Variants in CDH23 observed in about 807,000 individuals in gnomAD.
CDH23 encodes cadherin related 23.
A neutral mutation model predicts 317.1 loss-of-function variants in CDH23; 189 were observed. That is an observed-to-expected ratio of 0.60 (90% confidence interval 0.53 to 0.67). The LOEUF (loss-of-function observed/expected upper bound fraction) is 0.67. Among genes scored for constraint, CDH23 ranks in the 30% least tolerant of loss-of-function variants. CDH23 has a pLI of 0.00. For missense variants in CDH23, 4,401 were observed against 4,592.4 expected (o/e 0.96, Z 1.20); for synonymous variants, 1,839 against 1,876.8 (o/e 0.98, Z 0.52).
chr10:71,660,094 G>A (rs974539121), intron 14 of CDH23, among the ~76,000 whole-genome samples: 14 of 151,496 alleles, frequency 9.2e-5, no homozygotes, highest in African/African-American at 1.5e-4. Flanking sequence ...CTGAGTAGCC[G>A]GGATTACAGG....
intron 9 of CDH23, among the ~76,000 whole-genome samples, chr10:71,582,081 T>C (rs1470821511): frequency 6.6e-6 from 1 of 152,238 alleles, no homozygotes; most frequent in African/African-American, 2.4e-5. Context: ...TAAAGGGCCA[T>C]AAAATATTAA....
At chr10:71,781,445 G>A (rs948990084) in intron 41 of CDH23, among the ~76,000 whole-genome samples, 5 of 152,206 alleles carry the variant, frequency 3.3e-5, no homozygotes, top group Non-Finnish European at 7.3e-5. Flanking sequence ...GGGAGTCCCT[G>A]GAGCACAGGA....
rs1866906122 is a variant in CDH23, at chr10:71,728,285, G to C, written c.3580-2184G>C. ...CCTGTGAACAGCTGTGCTCTGGAGT[G>C]GACATGTTAGTTTGCATAGTGGGTT... On this transcript the variant is annotated intron_variant, in intron 30 of 69. Transcript: ENST00000224721. Among the ~76,000 whole-genome samples the C allele has an allele frequency of 2.6e-5, 4 of 151,928 alleles. No homozygotes were observed. In the South Asian group the frequency reaches 8.3e-4, roughly 32 times the overall value.
intron 55 of CDH23, among the ~76,000 whole-genome samples, chr10:71,805,480 C>T (rs919468860): frequency 1.3e-5 from 2 of 152,212 alleles, no homozygotes; most frequent in Admixed American, 6.5e-5. Flanking sequence ...TCCCCAAAAC[C>T]TCAGCATGCA....
chr10:71,457,502 G>A (rs1850753016), intron 3 of CDH23, among the ~76,000 whole-genome samples: 1 of 152,206 alleles, frequency 6.6e-6, no homozygotes, highest in Admixed American at 6.5e-5. Flanking sequence ...TCCCAGGATT[G>A]TGTAGGGTCT....
chr10:71,795,090 T>A (rs935882355), intron 48 of CDH23, among the ~76,000 whole-genome samples: 16 of 152,188 alleles, frequency 1.1e-4, no homozygotes, highest in African/African-American at 3.9e-4. Context: ...TTTCCATAAA[T>A]GTAAAATACA....
At position 71,626,970 on chromosome 10, in the gene CDH23, C is replaced by T. The variant is rs191786291; in HGVS notation, c.1134+9577C>T. Among the ~76,000 whole-genome samples, 196 of 152,214 alleles carry T rather than the reference C, an allele frequency of 1.3e-3. 2 individuals are homozygous for T. Among genetic ancestry groups the T allele is most frequent in the Admixed American group, 2.3e-3 (35 of 15,290 alleles). ...AGAGAAGTGGGGGTCTTCATTGCCT[C>T]GCCCCATGCCGGAAGCCAGGGAGCC... On this transcript the variant is annotated intron_variant, in intron 11 of 69. Transcript: ENST00000224721.
chr10:71,799,771 C>A, intron 52 of CDH23, 142 bp downstream of exon 52: 1 of 1,108,212 alleles, frequency 9.0e-7, no homozygotes, highest in Non-Finnish European at 1.3e-6. Flanking sequence ...TTAGCCAAGT[C>A]AGCAAACCCT....
rs1050370361 is a variant in CDH23 at position 71,689,012 on chromosome 10, T to A, written c.2059+1293T>A. On this transcript the variant is annotated intron_variant, in intron 19 of 69. Coordinates refer to ENST00000224721, the MANE Select transcript of CDH23 (RefSeq NM_022124.6). The stretch of plus-strand genomic sequence containing the variant: ...TCAGGGATGGTGGAGCCAGGGGTGG[T>A]GGAGTCAGGGGTGGTGGAGTCAGGG... 6.2e-3 allele frequency among the ~76,000 whole-genome samples: 346 copies of A among 55,786 alleles called. 1 individual carries two copies. Among genetic ancestry groups the A allele is most frequent in the Admixed American group, 8.5e-3 (49 of 5,740 alleles). 36.6% of individuals were successfully genotyped at this position (55,786 alleles called of 152,430 possible). A position where few individuals can be genotyped will look rare whatever the true frequency, so the allele number is the denominator to read the frequency against.
At chr10:71,535,976 C>T (rs543141317) in intron 6 of CDH23, among the ~76,000 whole-genome samples, 19 of 152,236 alleles carry the variant, frequency 1.2e-4, no homozygotes, top group Non-Finnish European at 2.6e-4. Context: ...CACACGCTCT[C>T]GGCAGAAGTC....
At chr10:71,709,036 C>T in intron 26 of CDH23, 62 bp from the exon 27 acceptor site, 1 of 1,485,600 alleles carries the variant, frequency 6.7e-7, no homozygotes, top group Non-Finnish European at 9.4e-7. Context: ...GAGCAGAGTC[C>T]CCGCTTCCCC....
chr10:71,709,069 G>A (rs370102812), intron 26 of CDH23, 29 bp from the exon 27 acceptor site: 2 of 1,605,808 alleles, frequency 1.2e-6, no homozygotes, highest in African/African-American at 2.7e-5. Flanking sequence ...CTGTTTCCCA[G>A]CCGGAAGCTT....
chr10:71,477,213 G>C (rs1851836346), intron 3 of CDH23, among the ~76,000 whole-genome samples: 1 of 152,156 alleles, frequency 6.6e-6, no homozygotes, highest in Non-Finnish European at 1.5e-5. Context: ...CTATCACCCA[G>C]GCTGGAGTGC....
intron 14 of CDH23, among the ~76,000 whole-genome samples, chr10:71,670,175 G>A (rs758460209): frequency 1.8e-4 from 28 of 152,320 alleles, no homozygotes; most frequent in Admixed American, 3.9e-4. Context: ...GGGTGTTGGA[G>A]GTGCTCTATA....
At position 71,791,339 on chromosome 10, in the gene CDH23, AG is replaced by A. The variant is rs755976428; in HGVS notation, c.6253+5del. ...CTGCTAGAGAACTGCCCGCCTGGTAAGCAGGGGACAGGCCCCAGCACCCCAC... is the reference window on the plus strand; with the variant it reads ...CTGCTAGAGAACTGCCCGCCTGGTAACAGGGGACAGGCCCCAGCACCCCAC... On this transcript the variant is annotated splice_donor_5th_base_variant and intron_variant, in intron 47 of 69. Coordinates refer to ENST00000224721, the MANE Select transcript of CDH23 (RefSeq NM_022124.6). 6.2e-7 allele frequency: 1 copy of A among 1,612,502 alleles called. No homozygotes were observed. Among genetic ancestry groups the A allele is most frequent in the Non-Finnish European group, 8.5e-7 (1 of 1,179,264 alleles).
chr10:71,583,598 T>TG (rs1325925079), intron 9 of CDH23, among the ~76,000 whole-genome samples: 3 of 152,078 alleles, frequency 2.0e-5, no homozygotes, highest in Non-Finnish European at 2.9e-5. Flanking sequence ...ACAAGTGCTG[T>TG]GGGTGAGGGC....
At chr10:71,734,052 G>C (rs982580581) in intron 32 of CDH23, among the ~76,000 whole-genome samples, 188 bp from the exon 33 acceptor site, 2 of 152,238 alleles carry the variant, frequency 1.3e-5, no homozygotes, top group South Asian at 2.1e-4. Context: ...TGGGGAAGCA[G>C]GAAGGCTTCA....
chr10:71,768,746 C>T (rs1217722927), intron 38 of CDH23, among the ~76,000 whole-genome samples: 1 of 152,204 alleles, frequency 6.6e-6, no homozygotes, highest in Non-Finnish European at 1.5e-5. Flanking sequence ...TCCCAAAGTG[C>T]TGGGATTACA....
chr10:71,751,780 G>C lies in CDH23; in HGVS notation c.4845+9859G>C, dbSNP rs771125955. ...GCTGCCGCTGGGCCACATAGGACAG[G>C]GGGTGCCTGACTTTGGCCTCGGGTA... On this transcript the variant is annotated intron_variant, in intron 38 of 69. Transcript: ENST00000224721. This position sits in a 1 kb window ranked among gnomAD's most constrained non-coding sequence, Gnocchi z 4.9. 6.2e-7 allele frequency: 1 copy of C among 1,601,894 alleles called. No homozygotes were observed. The highest frequency in any genetic ancestry group is 1.3e-5 in the African/African-American group (1 of 74,524).
Sources: gnomAD v4.1 joint callset for allele counts (sites outside exome capture counted in the v4.1 genomes callset) on GRCh38, gnomAD v4.1.1 for gene constraint, Gnocchi (gnomAD v3.1) non-coding constraint, MANE v1.5 for transcripts, NCBI Gene and HGNC (gene_info 2026-07-23, HGNC 2026-07-21) for gene names.